Variants in DTNB observed in about 807,000 individuals in gnomAD.
DTNB encodes DTN-B.
Under a neutral mutation model 90.7 loss-of-function variants are expected in DTNB, and 63 were observed. The observed-to-expected ratio is 0.69, with a 90% CI of 0.57 to 0.86. DTNB has a LOEUF of 0.86. Ranked by LOEUF, DTNB falls within the 40% of genes least tolerant of loss-of-function variation. The pLI is 0.00. For missense variants in DTNB, 744 were observed against 807.1 expected (o/e 0.92, Z 0.95); for synonymous variants, 277 against 286.7 (o/e 0.97, Z 0.34).
At chr2:25,534,205 T>C (rs1271119946) in intron 8 of DTNB, among the ~76,000 whole-genome samples, 1 of 152,142 alleles carries the variant, frequency 6.6e-6, no homozygotes, top group Non-Finnish European at 1.5e-5. Context: ...TGGTGATGAC[T>C]CTTAAGGAGC....
chr2:25,387,888 AG>A lies in DTNB; in HGVS notation c.1735+313del, dbSNP rs1333046421. Among the ~76,000 whole-genome samples the A allele has an allele frequency of 6.6e-6, 1 of 152,248 alleles. No individual in the cohort carries two copies. Among genetic ancestry groups the A allele is most frequent in the East Asian group, 1.9e-4 (1 of 5,200 alleles). Reference sequence around the variant, plus strand: ...TGCCTGTTACAGTCCCTTCTAGGCCAGGGAATTATTCCATCCAATTCCTCTG... The same window carrying A: ...TGCCTGTTACAGTCCCTTCTAGGCCAGGAATTATTCCATCCAATTCCTCTG... On this transcript the variant is annotated intron_variant, in intron 17 of 20. Coordinates refer to ENST00000406818, the MANE Select transcript of DTNB (RefSeq NM_021907.5). The surrounding 1 kb of genome is among the most constrained non-coding windows in gnomAD (Gnocchi z 4.5).
Position 25,557,999 on chromosome 2 carries a change from G to A in DTNB, c.876+18839C>T, listed in dbSNP as rs113309792. On this transcript the variant is annotated intron_variant, in intron 8 of 20. Transcript: ENST00000406818. ...CTAAGAACTGCAGAAATTTATTAGC[G>A]TCTGGGGTGGAGTGAGGGGCATGTA... is the stretch of plus-strand genomic sequence containing the variant. Among the ~76,000 whole-genome samples the A allele has an allele frequency of 3.4e-3, 518 of 152,298 alleles. 3 individuals carry two copies. The highest frequency in any genetic ancestry group is 0.012 in the African/African-American group (489 of 41,562).
chr2:25,491,436 T>C (rs2067440749), intron 9 of DTNB, among the ~76,000 whole-genome samples: 1 of 152,208 alleles, frequency 6.6e-6, no homozygotes, highest in Non-Finnish European at 1.5e-5. Flanking sequence ...TGGCATAGTA[T>C]GAGGCACAGA....
At chr2:25,505,943 T>G (rs2072297732) in intron 9 of DTNB, among the ~76,000 whole-genome samples, 1 of 152,220 alleles carries the variant, frequency 6.6e-6, no homozygotes. Flanking sequence ...AAAGACAATG[T>G]GGTATACTAC....
chr2:25,546,263 T>C (rs1317117878), intron 8 of DTNB, among the ~76,000 whole-genome samples: 5 of 152,228 alleles, frequency 3.3e-5, no homozygotes, highest in African/African-American at 1.2e-4. Context: ...CAACCCTCTC[T>C]TGGTTCTCTC....
chr2:25,458,185 G>A (rs953748697), intron 10 of DTNB, among the ~76,000 whole-genome samples: 1 of 152,226 alleles, frequency 6.6e-6, no homozygotes, highest in African/African-American at 2.4e-5. Flanking sequence ...TTCATTTAAT[G>A]AATCAATTTT....
intron 4 of DTNB, among the ~76,000 whole-genome samples, chr2:25,609,703 CACACAA>C (rs1452276937): frequency 2.8e-5 from 3 of 107,416 alleles, no homozygotes; most frequent in Admixed American, 9.2e-5. Flanking sequence ...CACACACACA[CACACAA>C]AATTAAAAAT....
intron 12 of DTNB, among the ~76,000 whole-genome samples, chr2:25,439,780 G>A (rs1356861903): frequency 6.6e-6 from 1 of 152,096 alleles, no homozygotes; most frequent in Non-Finnish European, 1.5e-5. Flanking sequence ...AAGTGATGTG[G>A]AGAGGATTTA....
chr2:25,582,305 A>G (rs1427125518), intron 6 of DTNB, among the ~76,000 whole-genome samples: 2 of 152,140 alleles, frequency 1.3e-5, no homozygotes, highest in Admixed American at 1.3e-4. Context: ...CCTCCCAACA[A>G]GAGTTCCTGT....
Position 25,656,860 on chromosome 2 carries a change from G to T in DTNB, c.-1-4199C>A, listed in dbSNP as rs552595751. On this transcript the variant is annotated intron_variant, in intron 1 of 20. Coordinates refer to ENST00000406818, the MANE Select transcript of DTNB (RefSeq NM_021907.5). The stretch of plus-strand genomic sequence containing the variant: ...GGGTCCTAGCTATGCAAATGTAAGA[G>T]AAGTTTCTTAAATCTAAAAGGGTTG... Among the ~76,000 whole-genome samples the T allele has an allele frequency of 5.3e-5, 8 of 152,292 alleles. No individual in the cohort carries two copies. In the South Asian group the frequency reaches 1.7e-3, roughly 32 times the overall value.
At chr2:25,449,473 A>G (rs1039063364) in intron 12 of DTNB, among the ~76,000 whole-genome samples, 2 of 152,188 alleles carry the variant, frequency 1.3e-5, no homozygotes, top group African/African-American at 4.8e-5. Context: ...GTTGCTCCAC[A>G]TCCTCTCCAA....
chr2:25,532,245 CAAAAAAAA>C (rs11352371), intron 8 of DTNB, among the ~76,000 whole-genome samples: 2 of 74,304 alleles, frequency 2.7e-5, no homozygotes, highest in Non-Finnish European at 5.8e-5. Context: ...AACTCTGTCT[CAAAAAAAA>C]AAAAAAAAAA....
At chr2:25,563,431 T>TG (rs2058549151) in intron 8 of DTNB, among the ~76,000 whole-genome samples, 1 of 152,220 alleles carries the variant, frequency 6.6e-6, no homozygotes, top group South Asian at 2.1e-4. Context: ...TGGCACCCTT[T>TG]GAAGCACCAA....
At chr2:25,585,986 C>T (rs903045340) in intron 6 of DTNB, among the ~76,000 whole-genome samples, 1 of 152,022 alleles carries the variant, frequency 6.6e-6, no homozygotes. Flanking sequence ...TGTTACTCTG[C>T]TTTTTCTTAG....
intron 9 of DTNB, among the ~76,000 whole-genome samples, chr2:25,515,134 C>A (rs1347956999): frequency 6.6e-6 from 1 of 151,530 alleles, no homozygotes; most frequent in Non-Finnish European, 1.5e-5. Flanking sequence ...GGACTCAATG[C>A]AAACACAGAA....
chr2:25,383,016 T>A (rs1469363573), intron 19 of DTNB, among the ~76,000 whole-genome samples: 1 of 152,202 alleles, frequency 6.6e-6, no homozygotes, highest in Non-Finnish European at 1.5e-5. Context: ...ATAATGAAAC[T>A]AGGAAGGCAC....
chr2:25,455,380 C>G (rs1403901831), intron 11 of DTNB, 25 bp downstream of exon 11: 1 of 1,568,304 alleles, frequency 6.4e-7, no homozygotes, highest in Non-Finnish European at 8.6e-7. Context: ...CCGTGGCTAC[C>G]CACTGCTGCT....
intron 11 of DTNB, among the ~76,000 whole-genome samples, chr2:25,454,184 T>C (rs2150145569): frequency 6.6e-6 from 1 of 151,978 alleles, no homozygotes. Context: ...ACTCTACTTC[T>C]CCAAGCTTTA....
chr2:25,576,175 C>T lies in DTNB; in HGVS notation c.876+663G>A, dbSNP rs569217709. Among the ~76,000 whole-genome samples the T allele has an allele frequency of 1.6e-3, 235 of 150,228 alleles. 5 individuals are homozygous for T. The highest frequency in any genetic ancestry group is 1.5e-3 in the South Asian group (7 of 4,746). Reference sequence around the variant, plus strand: ...AAAGAACTTTAAGTCTTACTTAGAGCTCAAAAGAATAAGCATGGGGGGGCG... The same window carrying T: ...AAAGAACTTTAAGTCTTACTTAGAGTTCAAAAGAATAAGCATGGGGGGGCG... On this transcript the variant is annotated intron_variant, in intron 8 of 20. Coordinates refer to ENST00000406818, the MANE Select transcript of DTNB (RefSeq NM_021907.5).
Sources: allele counts gnomAD v4.1 joint callset (sites outside exome capture counted in the v4.1 genomes callset), GRCh38; gene constraint gnomAD v4.1.1; non-coding constraint Gnocchi (gnomAD v3.1); transcripts MANE v1.5; gene names NCBI Gene and HGNC (gene_info 2026-07-23, HGNC 2026-07-21).